DNAH5: variants seen among roughly 807,000 people sequenced by gnomAD.
DNAH5 encodes the protein axonemal beta dynein heavy chain 5.
DNAH5 carries 372 observed loss-of-function variants against 518.2 expected under a neutral mutation model. That is an observed-to-expected ratio of 0.72 (90% confidence interval 0.66 to 0.78). The LOEUF is 0.78. Ranked by LOEUF, DNAH5 falls within the 30% of genes least tolerant of loss-of-function variation. The probability of loss-of-function intolerance (pLI) is 0.00; values close to 1 mark genes in which losing one functional copy is unlikely to be tolerated. For missense variants in DNAH5, 5,523 were observed against 5,687.0 expected (o/e 0.97, Z 0.93); for synonymous variants, 2,039 against 2,025.9 (o/e 1.01, Z -0.17).
At chr5:13,918,161 T>C (rs980000787) in intron 7 of DNAH5, among the ~76,000 whole-genome samples, 3 of 152,168 alleles carry the variant, frequency 2.0e-5, no homozygotes, top group African/African-American at 7.2e-5. Context: ...GGCTTCTAGG[T>C]TGGGGACTCT....
intron 1 of DNAH5, among the ~76,000 whole-genome samples, chr5:13,996,156 T>C (rs924725574): frequency 3.3e-5 from 5 of 152,224 alleles, no homozygotes; most frequent in African/African-American, 9.6e-5. Flanking sequence ...TCTGGCTTTC[T>C]GGCTTTCTGG....
chr5:13,865,012 T>C, intron 27 of DNAH5, among the ~76,000 whole-genome samples: 1 of 144,724 alleles, frequency 6.9e-6, no homozygotes, highest in African/African-American at 2.6e-5. Flanking sequence ...AGCTCTTTTT[T>C]TTTTTTTTTT....
chr5:13,835,638 C>T (rs1463029576), intron 35 of DNAH5, among the ~76,000 whole-genome samples: 1 of 152,240 alleles, frequency 6.6e-6, no homozygotes, highest in East Asian at 1.9e-4. Context: ...ATGAATGACA[C>T]ACCTGGTCAA....
At chr5:13,824,806 C>A (rs922698325) in intron 38 of DNAH5, among the ~76,000 whole-genome samples, 5 of 152,062 alleles carry the variant, frequency 3.3e-5, no homozygotes, top group African/African-American at 1.2e-4. Flanking sequence ...AAAGCACCTG[C>A]GCTTCAGGAT....
chr5:13,992,967 C>A lies in DNAH5; in HGVS notation c.12+18681G>T, dbSNP rs184086948. Reference sequence around the variant, plus strand: ...ATGCCTTAATTAGTCCCAGAAACACCAAAGCTCTTTTTTGAGAAGTGGAAA... The same window carrying A: ...ATGCCTTAATTAGTCCCAGAAACACAAAAGCTCTTTTTTGAGAAGTGGAAA... On this transcript the variant is annotated intron_variant, in intron 1 of 78. Coordinates refer to the DNAH5 transcript ENST00000681290. Among the ~76,000 whole-genome samples the A allele has an allele frequency of 1.6e-3, 250 of 152,256 alleles. 2 individuals are homozygous for A. The highest frequency in any genetic ancestry group is 5.8e-3 in the African/African-American group (242 of 41,560).
rs747857289 is a variant in DNAH5 at position 13,701,328 on chromosome 5, T to A, written c.13447A>T (p.Thr4483Ser). 5.6e-6 allele frequency: 9 copies of A among 1,614,044 alleles called. No homozygotes were observed. The highest frequency in any genetic ancestry group is 7.6e-6 in the Non-Finnish European group (9 of 1,179,974). Residue 4483 changes from threonine (T) to serine (S), a missense_variant, in exon 77 of 79, where the codon ACG (threonine) becomes TCG (serine). This residue lies in a region of DNAH5 where 387 missense variants were observed against 430.0 expected (regional missense o/e 0.90). Coordinates refer to ENST00000265104, the MANE Select transcript of DNAH5 (RefSeq NM_001369.3). ...AATCCCTGGGGGTTAAAAAAACCCG[T>A]CATCCAAAAGCAGTGAGGTCGGCCA... ...FNGRPHCFWM[T>S]GFFNPQGFLT...
rs779980906 is a variant in DNAH5 at position 13,865,884 on chromosome 5, C to T, written c.4139G>A (p.Arg1380Gln). 56 of 1,602,396 alleles carry T rather than the reference C, an allele frequency of 3.5e-5. No homozygotes were observed. The East Asian group carries it at 4.9e-4, about 14-fold the overall frequency. ...TCCTCCAGTATATGTGATGTATTTC[C>T]GATAGATATTATCAAATTGATTCTA... ...MFQNQFDNIY[R>Q]KYITYTGGEE... The change falls in exon 27 of 79, where the codon CGG becomes CAG. Residue 1380 changes from arginine (R) to glutamine (Q), a missense_variant. Around this residue, in one of 3 missense-constraint regions of DNAH5, gnomAD observed 5,121 missense variants for 5,223.3 expected, o/e 0.98. Transcript: ENST00000265104.
intron 35 of DNAH5, 52 bp downstream of exon 35, chr5:13,839,304 A>T: frequency 6.4e-7 from 1 of 1,568,432 alleles, no homozygotes. Flanking sequence ...AAATCCCCTG[A>T]GCAACTCGAG....
intron 52 of DNAH5, among the ~76,000 whole-genome samples, chr5:13,785,725 T>C (rs1447752175): frequency 1.3e-5 from 2 of 152,256 alleles, no homozygotes; most frequent in Admixed American, 1.3e-4. Context: ...GTCTCTGATT[T>C]TGGCTACACT....
chr5:13,862,483 A>T, intron 29 of DNAH5, 65 bp downstream of exon 29: 1 of 1,494,450 alleles, frequency 6.7e-7, no homozygotes, highest in Admixed American at 1.7e-5. Context: ...TGGATTTTTC[A>T]TTAATTTTAA....
chr5:13,841,798 A>C lies in DNAH5; in HGVS notation c.5378T>G (p.Leu1793Trp). The change falls in exon 33 of 79, where the codon TTG (leucine) becomes TGG (tryptophan). Residue 1793 changes from leucine (L) to tryptophan (W), a missense_variant. Physicochemically the swap from Leu to Trp is moderately conservative, Grantham distance 61. Coordinates refer to ENST00000265104, the MANE Select transcript of DNAH5 (RefSeq NM_001369.3). ...GNVEVWLNSLLEESQSSLHLV... is the reference protein window; with the variant it reads ...GNVEVWLNSLWEESQSSLHLV... ...ATGCAATGAGGACTGAGATTCTTCCAAAAGAGAATTAAGCCAAACTTCCAC... is the reference window on the plus strand; with the variant it reads ...ATGCAATGAGGACTGAGATTCTTCCCAAAGAGAATTAAGCCAAACTTCCAC... The C allele has an allele frequency of 1.2e-6, 2 of 1,613,900 alleles. No homozygotes were observed. Among genetic ancestry groups the C allele is most frequent in the Non-Finnish European group, 1.7e-6 (2 of 1,179,828 alleles).
chr5:14,000,291 G>C (rs1323651286), intron 1 of DNAH5, among the ~76,000 whole-genome samples: 3 of 152,204 alleles, frequency 2.0e-5, no homozygotes, highest in African/African-American at 7.2e-5. Flanking sequence ...AGGAGCAAAG[G>C]AACACCTGGG....
intron 16 of DNAH5, among the ~76,000 whole-genome samples, chr5:13,892,451 A>G (rs1773385258): frequency 6.6e-6 from 1 of 152,218 alleles, no homozygotes; most frequent in African/African-American, 2.4e-5. Flanking sequence ...GACCACCTGT[A>G]AGTAGGATTG....
At position 13,894,728 on chromosome 5, in the gene DNAH5, G is replaced by C; in HGVS notation, c.2353C>G (p.Leu785Val). Residue 785 changes from leucine to valine, a missense_variant, in exon 16 of 79, where the codon CTC (leucine) becomes GTC (valine). Leu to Val is a conservative substitution (Grantham distance 32). Around this residue, in one of 3 missense-constraint regions of DNAH5, gnomAD observed 5,121 missense variants for 5,223.3 expected, o/e 0.98. Coordinates refer to ENST00000265104, the MANE Select transcript of DNAH5 (RefSeq NM_001369.3). ...VPHLAKVDEA[L>V]QPGLAALTWT... ...GTCAGTGCAGCCAAGCCAGGTTGGA[G>C]AGCTTCATCCACTTTGGCCAAGTGA... 3 of 1,614,142 alleles carry C rather than the reference G, an allele frequency of 1.9e-6. No individual in the cohort carries two copies. The highest frequency in any genetic ancestry group is 2.5e-6 in the Non-Finnish European group (3 of 1,179,974).
intron 47 of DNAH5, among the ~76,000 whole-genome samples, chr5:13,803,814 C>G (rs1479341464): frequency 1.3e-5 from 2 of 152,102 alleles, no homozygotes; most frequent in African/African-American, 4.8e-5. Context: ...TCCATGGTTA[C>G]TTATTTTATA....
chr5:13,694,837 TA>T (rs1435317129), intron 78 of DNAH5, among the ~76,000 whole-genome samples: 8 of 152,238 alleles, frequency 5.3e-5, no homozygotes, highest in African/African-American at 4.8e-5. Context: ...CCATGTGAGC[TA>T]AGCATGTTAA....
In DNAH5 at chr5:13,885,080, A is replaced by G. The variant is rs2151941566; in HGVS notation, c.2892T>C (p.His964=). 1 of 1,614,210 alleles carries G rather than the reference A, an allele frequency of 6.2e-7. No homozygotes were observed. The highest frequency in any genetic ancestry group is 1.3e-5 in the African/African-American group (1 of 75,054). ...EARELLSHFN[H]QNMDALLKVT... ...CTTTCAGAAGAGCATCCATGTTCTG[A>G]TGGTTGAAATGAGAGAGTAACTCGC... is the stretch of plus-strand genomic sequence containing the variant. The change falls in exon 19 of 79, where the codon CAT becomes CAC. Residue 964 remains histidine, a synonymous_variant. Coordinates refer to ENST00000265104, the MANE Select transcript of DNAH5 (RefSeq NM_001369.3).
chr5:13,959,953 A>G (rs532821022), intron 1 of DNAH5, among the ~76,000 whole-genome samples: 2 of 152,078 alleles, frequency 1.3e-5, no homozygotes, highest in Admixed American at 6.5e-5. Context: ...GGGCAACAAG[A>G]GCTAAACTCC....
chr5:13,827,277 G>T (rs553495782), intron 38 of DNAH5, among the ~76,000 whole-genome samples: 1 of 152,022 alleles, frequency 6.6e-6, no homozygotes, highest in Non-Finnish European at 1.5e-5. Context: ...ATAAATTTGC[G>T]TAAGTAATGA....
Sources: allele counts gnomAD v4.1 joint callset (sites outside exome capture counted in the v4.1 genomes callset), GRCh38; gene constraint gnomAD v4.1.1; regional missense constraint gnomAD v4.1.1; transcripts MANE v1.5; gene names NCBI Gene and HGNC (gene_info 2026-07-23, HGNC 2026-07-21).